Variants in RSPH9 observed in about 807,000 individuals in gnomAD.
The protein encoded by RSPH9 is radial spoke head component 9.
A neutral mutation model predicts 27.0 loss-of-function variants in RSPH9; 27 were observed. That is an observed-to-expected ratio of 1.00 (90% confidence interval 0.74 to 1.38). The LOEUF is 1.38. Ranked by LOEUF, RSPH9 falls within the 40% of genes most tolerant of loss-of-function variation. The probability of loss-of-function intolerance (pLI) is 0.00; values close to 1 mark genes in which losing one functional copy is unlikely to be tolerated. For missense variants in RSPH9, 347 were observed against 357.4 expected (o/e 0.97, Z 0.24); for synonymous variants, 145 against 147.7 (o/e 0.98, Z 0.13).
chr6:43,665,432 A>C (rs556144101), intron 4 of RSPH9, among the ~76,000 whole-genome samples: 12 of 152,236 alleles, frequency 7.9e-5, no homozygotes, highest in African/African-American at 2.9e-4. Context: ...TGAGCTTAGG[A>C]GTTTGAGGTT....
rs1773767492 is a variant in RSPH9 at position 43,672,314 on chromosome 6, C to T, written c.*1365C>T. 2.2e-6 allele frequency: 1 copy of T among 459,800 alleles called. No individual in the cohort carries two copies. Among genetic ancestry groups the T allele is most frequent in the Non-Finnish European group, 4.6e-6 (1 of 218,404 alleles). 28.5% of individuals were successfully genotyped at this position (459,800 alleles called of 1,614,324 possible). A position where few individuals can be genotyped will look rare whatever the true frequency, so the allele number is the denominator to read the frequency against. The stretch of plus-strand genomic sequence containing the variant: ...CCATTGCTCTTCCCCATTTGGCTCA[C>T]TCAGCTACCCCAACCTTCAGGGAAC... On this transcript the variant is annotated 3_prime_UTR_variant, in exon 5 of 5. Coordinates refer to ENST00000372163, the MANE Select transcript of RSPH9 (RefSeq NM_152732.5).
rs565071532 is a variant in RSPH9, at chr6:43,669,776, G to T, written c.671-1013G>T. 2.0e-5 allele frequency among the ~76,000 whole-genome samples: 3 copies of T among 152,252 alleles called. No homozygotes were observed. The South Asian group carries it at 6.2e-4, about 32-fold the overall frequency. ...CTCCCACACTGTGGCTCCCTCCCTC[G>T]GTTCTGGAGCTTAATCAGGCCCTTC... On this transcript the variant is annotated intron_variant, in intron 4 of 4. Coordinates refer to ENST00000372163, the MANE Select transcript of RSPH9 (RefSeq NM_152732.5).
At position 43,645,322 on chromosome 6, in the gene RSPH9, A is replaced by G. The variant is rs370582902; in HGVS notation, c.224A>G (p.Tyr75Cys). ...EDQLAPRKTLYSLNCTEWSLL... is the reference protein window; with the variant it reads ...EDQLAPRKTLCSLNCTEWSLL... ...CAGCTCGCACCGCGCAAGACGCTCT[A>G]TAGGTGAGGAGGCCCCCGGGACGGG... Residue 75 changes from tyrosine to cysteine, a missense_variant, in exon 1 of 5, where the codon TAT becomes TGT. Coordinates refer to ENST00000372163, the MANE Select transcript of RSPH9 (RefSeq NM_152732.5). 13 of 1,361,842 alleles carry G rather than the reference A, an allele frequency of 9.5e-6. 1 individual carries two copies. The African/African-American group carries it at 1.2e-4, about 13-fold the overall frequency. 84.4% of individuals were successfully genotyped at this position (1,361,842 alleles called of 1,614,324 possible).
chr6:43,645,414 G>C, intron 1 of RSPH9, 89 bp downstream of exon 1: 1 of 1,088,280 alleles, frequency 9.2e-7, no homozygotes, highest in South Asian at 1.3e-5. Flanking sequence ...AAAGGGGCGG[G>C]GCCCATGGGG....
intron 2 of RSPH9, among the ~76,000 whole-genome samples, chr6:43,654,125 C>A (rs1043908777): frequency 3.9e-5 from 6 of 152,160 alleles, no homozygotes; most frequent in African/African-American, 1.4e-4. Context: ...TAGTTTCTAC[C>A]TTTCTTTTGT....
intron 4 of RSPH9, among the ~76,000 whole-genome samples, chr6:43,664,158 T>C (rs1200038251): frequency 6.6e-6 from 1 of 152,218 alleles, no homozygotes; most frequent in Non-Finnish European, 1.5e-5. Flanking sequence ...CTTCAATTTA[T>C]AAAAACTGCA....
intron 4 of RSPH9, among the ~76,000 whole-genome samples, chr6:43,663,977 C>T (rs530193345): frequency 6.8e-6 from 1 of 147,974 alleles, no homozygotes; most frequent in South Asian, 2.1e-4. Context: ...GGCAGTGAGC[C>T]GAGATCACGC....
chr6:43,652,704 G>A (rs1383726658), intron 2 of RSPH9, among the ~76,000 whole-genome samples: 4 of 150,344 alleles, frequency 2.7e-5, no homozygotes, highest in Non-Finnish European at 5.9e-5. Flanking sequence ...GGGATTACAG[G>A]CGTGAGCCAC....
At chr6:43,650,777 G>T (rs1771376319) in intron 2 of RSPH9, among the ~76,000 whole-genome samples, 2 of 151,880 alleles carry the variant, frequency 1.3e-5, no homozygotes, top group Admixed American at 1.3e-4. Flanking sequence ...GTGGTGGCAG[G>T]CACCTGTAGT....
chr6:43,667,647 C>T (rs183905598), intron 4 of RSPH9, among the ~76,000 whole-genome samples: 5 of 152,286 alleles, frequency 3.3e-5, no homozygotes, highest in Admixed American at 6.5e-5. Context: ...CTTTGCTACT[C>T]GATTTGATAC....
intron 2 of RSPH9, among the ~76,000 whole-genome samples, chr6:43,654,238 A>G (rs76223093): frequency 0.011 from 1,667 of 152,270 alleles, 26 homozygotes; most frequent in African/African-American, 0.038. Context: ...CAAAATCTCT[A>G]TGAAATCCTT....
At position 43,656,713 on chromosome 6, in the gene RSPH9, C is replaced by T; in HGVS notation, c.660C>T (p.Asp220=). The T allele has an allele frequency of 6.2e-7, 1 of 1,614,122 alleles. No homozygotes were observed. Among genetic ancestry groups the T allele is most frequent in the Non-Finnish European group, 8.5e-7 (1 of 1,180,020 alleles). The change falls in exon 4 of 5, where the codon GAC becomes GAT. Residue 220 remains aspartate, a synonymous_variant. Coordinates refer to ENST00000372163, the MANE Select transcript of RSPH9 (RefSeq NM_152732.5). ...SLDFMDSLEH[D]IPKGSWSIQM... is the part of the protein sequence containing the mutation. Reference sequence around the variant, plus strand: ...ATTTCATGGACTCCTTGGAGCATGACATTCCCAAAGGTAATAGTCCATTAC... The same window carrying T: ...ATTTCATGGACTCCTTGGAGCATGATATTCCCAAAGGTAATAGTCCATTAC...
At chr6:43,647,298 G>A (rs529514881) in intron 1 of RSPH9, among the ~76,000 whole-genome samples, 1 of 152,066 alleles carries the variant, frequency 6.6e-6, no homozygotes, top group Admixed American at 6.5e-5. Context: ...AAAGGATATG[G>A]GTCTTTGTTC....
intron 4 of RSPH9, among the ~76,000 whole-genome samples, chr6:43,667,205 AGAG>A (rs1291950799): frequency 3.3e-5 from 5 of 152,226 alleles, no homozygotes; most frequent in Non-Finnish European, 5.9e-5. Context: ...CAAATGAAAC[AGAG>A]GATGGGAAAG....
At chr6:43,646,410 C>A (rs932845707) in intron 1 of RSPH9, among the ~76,000 whole-genome samples, 1 of 151,454 alleles carries the variant, frequency 6.6e-6, no homozygotes, top group African/African-American at 2.4e-5. Flanking sequence ...CTGGGATCAC[C>A]CACCGCGCTT....
chr6:43,670,749 C>G, intron 4 of RSPH9, 40 bp from the exon 5 acceptor site: 1 of 1,592,536 alleles, frequency 6.3e-7, no homozygotes. Flanking sequence ...GCTGTGGCTC[C>G]AGCAGCACCA....
At chr6:43,650,314 A>T in intron 1 of RSPH9, 61 bp from the exon 2 acceptor site, 1 of 1,589,246 alleles carries the variant, frequency 6.3e-7, no homozygotes, top group Non-Finnish European at 8.6e-7. Context: ...AAGGGAAGAT[A>T]ATAGGAATAG....
intron 1 of RSPH9, among the ~76,000 whole-genome samples, chr6:43,649,500 G>C (rs1441382981): frequency 6.6e-6 from 1 of 151,950 alleles, no homozygotes; most frequent in East Asian, 1.9e-4. Context: ...TTATGTTAAG[G>C]GGGAACTGGT....
chr6:43,646,899 T>C (rs1357766087), intron 1 of RSPH9, among the ~76,000 whole-genome samples: 4 of 146,860 alleles, frequency 2.7e-5, no homozygotes. Context: ...GAGGTTGCAG[T>C]GAGCTGGCAT....
Sources: allele counts gnomAD v4.1 joint callset (sites outside exome capture counted in the v4.1 genomes callset), GRCh38; gene constraint gnomAD v4.1.1; transcripts MANE v1.5; gene names NCBI Gene and HGNC (gene_info 2026-07-23, HGNC 2026-07-21).